The following HPSE2 variants were observed in gnomAD, a reference collection of about 807,000 sequenced individuals.
The protein encoded by HPSE2 is inactive heparanase-2.
A neutral mutation model predicts 60.5 loss-of-function variants in HPSE2; 38 were observed. The observed-to-expected ratio is 0.63, with a 90% CI of 0.48 to 0.82. HPSE2 has a LOEUF of 0.82. Ranked by LOEUF, HPSE2 falls within the 40% of genes least tolerant of loss-of-function variation. HPSE2 has a pLI of 0.00. For missense variants in HPSE2, 713 were observed against 740.4 expected (o/e 0.96, Z 0.43); for synonymous variants, 295 against 293.2 (o/e 1.01, Z -0.06).
intron 7 of HPSE2, among the ~76,000 whole-genome samples, chr10:98,639,492 T>C (rs79003820): frequency 1.3e-5 from 2 of 152,154 alleles, no homozygotes; most frequent in Non-Finnish European, 2.9e-5. Flanking sequence ...TTTCTGCATA[T>C]AGGTCATCTC....
At chr10:98,544,968 G>C (rs1044813171) in intron 9 of HPSE2, among the ~76,000 whole-genome samples, 13 of 151,688 alleles carry the variant, frequency 8.6e-5, no homozygotes, top group Non-Finnish European at 1.8e-4. Context: ...ATGACAAAGG[G>C]GATATCACCA....
intron 9 of HPSE2, among the ~76,000 whole-genome samples, chr10:98,492,877 T>C (rs1303924172): frequency 6.6e-6 from 1 of 152,240 alleles, no homozygotes; most frequent in African/African-American, 2.4e-5. Flanking sequence ...AGTTCAGTGG[T>C]ATTATGTAAA....
chr10:98,802,722 G>T (rs1320059917), intron 3 of HPSE2, among the ~76,000 whole-genome samples: 6 of 148,964 alleles, frequency 4.0e-5, no homozygotes, highest in African/African-American at 1.5e-4. Flanking sequence ...GTCTATCATT[G>T]TTGGACATTT....
At chr10:98,600,926 T>TATATATATATAAA (rs1554950579) in intron 9 of HPSE2, among the ~76,000 whole-genome samples, 9 of 107,900 alleles carry the variant, frequency 8.3e-5, no homozygotes, top group East Asian at 5.7e-4. Flanking sequence ...TATATATATA[T>TATATATATATAAA]ATATATATAT....
chr10:98,499,937 T>C (rs1268802840), intron 9 of HPSE2, among the ~76,000 whole-genome samples: 1 of 152,194 alleles, frequency 6.6e-6, no homozygotes, highest in African/African-American at 2.4e-5. Context: ...GGACATTATA[T>C]AATGGTAAAA....
intron 3 of HPSE2, among the ~76,000 whole-genome samples, chr10:98,929,618 T>G (rs1413161871): frequency 7.0e-6 from 1 of 143,666 alleles, no homozygotes; most frequent in Non-Finnish European, 1.5e-5. Context: ...AGAGGCTTGC[T>G]CTGGAGTGAC....
chr10:99,072,010 C>T (rs1439088623), intron 3 of HPSE2, among the ~76,000 whole-genome samples: 2 of 134,112 alleles, frequency 1.5e-5, no homozygotes, highest in Non-Finnish European at 3.3e-5. Context: ...AAGTGGATTG[C>T]CTCTAACTTT....
In HPSE2 at chr10:98,781,286, TC is replaced by T. The variant is rs745562804; in HGVS notation, c.611-37231del. On this transcript the variant is annotated intron_variant, in intron 3 of 11. Coordinates refer to ENST00000370552, the MANE Select transcript of HPSE2 (RefSeq NM_021828.5). ...AAAGAAAAACACCCATATATCCACT[TC>T]TTTTTTTTTTTTTTTTTTTATTTTT... 1.7e-3 allele frequency among the ~76,000 whole-genome samples: 172 copies of T among 101,978 alleles called. 6 individuals carry two copies. The highest frequency in any genetic ancestry group is 2.9e-3 in the African/African-American group (68 of 23,202). 66.9% of individuals were successfully genotyped at this position (101,978 alleles called of 152,430 possible).
the HPSE2 span, among the ~76,000 whole-genome samples, chr10:99,245,747 T>G: frequency 2.0e-5 from 3 of 152,304 alleles, no homozygotes; most frequent in South Asian, 2.1e-4. Flanking sequence ...AATATGTATA[T>G]TCCCTAAGAG....
chr10:98,670,917 A>G (rs1252624474), intron 6 of HPSE2, among the ~76,000 whole-genome samples: 1 of 152,224 alleles, frequency 6.6e-6, no homozygotes, highest in Non-Finnish European at 1.5e-5. Context: ...TTAGCTTGCC[A>G]ATGCTCCCAG....
chr10:99,022,807 A>G (rs934104920), intron 3 of HPSE2, among the ~76,000 whole-genome samples: 3 of 152,086 alleles, frequency 2.0e-5, no homozygotes, highest in Non-Finnish European at 4.4e-5. Context: ...TTACCTGCTA[A>G]CTGAAGAGCC....
At chr10:99,188,338 T>C (rs925892341) in intron 2 of HPSE2, among the ~76,000 whole-genome samples, 2 of 152,156 alleles carry the variant, frequency 1.3e-5, no homozygotes, top group African/African-American at 4.8e-5. Flanking sequence ...AGGAATGTTA[T>C]ATCAGTATGG....
At chr10:99,106,964 G>A (rs1013807951) in intron 3 of HPSE2, among the ~76,000 whole-genome samples, 1 of 152,112 alleles carries the variant, frequency 6.6e-6, no homozygotes, top group African/African-American at 2.4e-5. Flanking sequence ...TCTGCCTCCT[G>A]GATGCAAGCG....
chr10:99,179,285 G>A (rs1847660203), intron 2 of HPSE2, among the ~76,000 whole-genome samples: 1 of 152,130 alleles, frequency 6.6e-6, no homozygotes, highest in African/African-American at 2.4e-5. Flanking sequence ...TCAGGCAAAA[G>A]AAAGAAATCA....
intron 9 of HPSE2, among the ~76,000 whole-genome samples, chr10:98,545,346 A>G (rs973573140): frequency 6.6e-6 from 1 of 152,252 alleles, no homozygotes; most frequent in African/African-American, 2.4e-5. Context: ...GCAGAGACAC[A>G]ACCAAAAAAG....
At chr10:99,132,230 AGAG>A (rs1564833223) in intron 3 of HPSE2, among the ~76,000 whole-genome samples, 7 of 49,990 alleles carry the variant, frequency 1.4e-4, no homozygotes, top group South Asian at 1.1e-3. Context: ...AGAGAGAGAG[AGAG>A]AGAGAGAGAG....
At chr10:98,881,920 C>T (rs1953035464) in intron 3 of HPSE2, among the ~76,000 whole-genome samples, 1 of 152,008 alleles carries the variant, frequency 6.6e-6, no homozygotes, top group African/African-American at 2.4e-5. Flanking sequence ...CTTTTCCACC[C>T]CATTTGATGT....
chr10:99,045,024 A>C, intron 3 of HPSE2, among the ~76,000 whole-genome samples: 1 of 152,202 alleles, frequency 6.6e-6, no homozygotes, highest in East Asian at 1.9e-4. Flanking sequence ...CCTAATAGAC[A>C]TCTACAGAAC....
intron 9 of HPSE2, among the ~76,000 whole-genome samples, chr10:98,514,645 T>A (rs1445375559): frequency 1.3e-5 from 2 of 151,506 alleles, no homozygotes; most frequent in East Asian, 1.9e-4. Context: ...TTCTTTAATA[T>A]CCTCCTTCTG....
Sources: allele counts gnomAD v4.1 joint callset (sites outside exome capture counted in the v4.1 genomes callset), GRCh38; gene constraint gnomAD v4.1.1; transcripts MANE v1.5; gene names NCBI Gene and HGNC (gene_info 2026-07-23, HGNC 2026-07-21).